Variants in ZSCAN18 observed in about 807,000 individuals in gnomAD.
ZSCAN18 encodes the protein zinc finger and SCAN domain-containing protein 18.
A neutral mutation model predicts 31.1 loss-of-function variants in ZSCAN18; 16 were observed. The ratio of observed to expected loss-of-function variants is 0.51; its 90% CI spans 0.35 to 0.78. The LOEUF (loss-of-function observed/expected upper bound fraction) is 0.78. Ranked by LOEUF, ZSCAN18 falls within the 30% of genes least tolerant of loss-of-function variation. The pLI, the probability that ZSCAN18 is intolerant of heterozygous loss-of-function variation, is 0.01. For missense variants in ZSCAN18, 731 were observed against 697.4 expected (o/e 1.05, Z -0.54); for synonymous variants, 375 against 320.7 (o/e 1.17, Z -1.81).
chr19:58,103,163 T>C (rs2074608772), upstream of ZSCAN18, among the ~76,000 whole-genome samples: 1 of 149,074 alleles, frequency 6.7e-6, no homozygotes. Flanking sequence ...AATTAAACCA[T>C]ATCACTGATT....
chr19:58,107,592 G>T, intron 1 of ZSCAN18: 1 of 871,698 alleles, frequency 1.1e-6, no homozygotes, highest in Non-Finnish European at 1.4e-6. Context: ...AGTGCACCAT[G>T]CGGTAAACAC....
intron 1 of ZSCAN18, chr19:58,109,180 A>T: frequency 8.1e-7 from 1 of 1,231,306 alleles, no homozygotes. Context: ...ACATTCCCAG[A>T]CCTCTCCTAA....
intron 3 of ZSCAN18, 132 bp from the exon 4 acceptor site, chr19:58,087,536 C>T (rs927561637): frequency 3.5e-5 from 26 of 741,940 alleles, no homozygotes; most frequent in South Asian, 2.8e-4. Flanking sequence ...CAAGGCTCAA[C>T]GGACACTACA....
chr19:58,107,267 C>T (rs762688363), intron 1 of ZSCAN18, among the ~76,000 whole-genome samples: 2 of 151,924 alleles, frequency 1.3e-5, no homozygotes, highest in African/African-American at 2.4e-5. Flanking sequence ...TTAAAATATT[C>T]AGCACAGGCC....
At chr19:58,118,278 C>T (rs1278675362) in exon 1 of ZSCAN18, 4 of 1,488,392 alleles carry the variant, frequency 2.7e-6, no homozygotes, top group African/African-American at 1.4e-5. Context: ...CTCACTAGGC[C>T]TTGGCTCCGC....
In ZSCAN18 at chr19:58,090,501, G is replaced by A; in HGVS notation, c.-119-115C>T. ...GTTCACACAGATTTCCAAGAAACCC[G>A]CTTGTTAGGCATCAGTAGAACCTCA... On this transcript the variant is annotated intron_variant, in intron 1 of 6. Transcript: ENST00000601144. The surrounding 1 kb of genome is among the most constrained non-coding windows in gnomAD (Gnocchi z 4.7). 4.3e-6 allele frequency: 4 copies of A among 933,232 alleles called. No individual in the cohort carries two copies. Among genetic ancestry groups the A allele is most frequent in the Admixed American group, 3.0e-5 (1 of 33,750 alleles). The allele number at this position is 933,232 out of a possible 1,614,324, so 57.8% of individuals were successfully genotyped here.
intron 1 of ZSCAN18, among the ~76,000 whole-genome samples, chr19:58,118,030 G>A (rs2074746179): frequency 6.6e-6 from 1 of 152,130 alleles, no homozygotes; most frequent in South Asian, 2.1e-4. Flanking sequence ...AGGCGTTAGG[G>A]GGTCCGCGCC....
At chr19:58,092,372 CGA>C (rs2074430679) in intron 1 of ZSCAN18, 1 of 152,084 alleles carries the variant, frequency 6.6e-6, no homozygotes, top group African/African-American at 2.4e-5. Context: ...GTCAGGAGTT[CGA>C]GACCAGCCTG....
intron 3 of ZSCAN18, 69 bp from the exon 4 acceptor site, chr19:58,087,473 A>C: frequency 6.4e-6 from 9 of 1,416,264 alleles, no homozygotes; most frequent in Non-Finnish European, 7.7e-6. Context: ...AGGGTCAAGG[A>C]GCCCCCGCTG....
intron 1 of ZSCAN18, chr19:58,109,377 C>T (rs1487723252): frequency 4.9e-6 from 6 of 1,229,222 alleles, no homozygotes; most frequent in Non-Finnish European, 4.1e-6. Context: ...AATGTGTAAA[C>T]ATTAAAATCA....
At position 58,087,316 on chromosome 19, in the gene ZSCAN18, C is replaced by T; in HGVS notation, c.642G>A (p.Gln214=). Residue 214 remains glutamine (Q), a splice_region_variant and synonymous_variant, in exon 4 of 7, where the codon CAG becomes CAA. Coordinates refer to ENST00000601144, the MANE Select transcript of ZSCAN18 (RefSeq NM_001145543.2). ...TEEDGPANTE[Q]KLKSFPEDPQ... ...CACCCACCTGCTCGTGCCCACCCAC[C>T]TGCTCGGTGTTGGCAGGGCCGTCCT... 1 of 1,603,842 alleles carries T rather than the reference C, an allele frequency of 6.2e-7. No individual in the cohort carries two copies. Among genetic ancestry groups the T allele is most frequent in the Non-Finnish European group, 8.5e-7 (1 of 1,175,056 alleles).
intron 1 of ZSCAN18, among the ~76,000 whole-genome samples, chr19:58,115,559 T>C (rs2074722925): frequency 6.6e-6 from 1 of 152,254 alleles, no homozygotes; most frequent in African/African-American, 2.4e-5. Context: ...TTGTTTTTCC[T>C]AGTTAACATT....
intron 1 of ZSCAN18, chr19:58,108,240 C>G: frequency 2.0e-6 from 2 of 985,546 alleles, no homozygotes; most frequent in Non-Finnish European, 2.4e-6. Context: ...GAAGGCCTTT[C>G]TACACCCAGT....
chr19:58,097,592 T>C (rs912336871), intron 1 of ZSCAN18, among the ~76,000 whole-genome samples: 3 of 151,282 alleles, frequency 2.0e-5, no homozygotes, highest in African/African-American at 7.3e-5. Context: ...GCACCCTCCA[T>C]CCCTTCCCTG....
At chr19:58,100,192 C>T (rs1157333232), upstream of ZSCAN18, among the ~76,000 whole-genome samples, 1 of 152,006 alleles carries the variant, frequency 6.6e-6, no homozygotes, top group African/African-American at 2.4e-5. Context: ...CGGGCTCAAG[C>T]AATCCTCCCA....
chr19:58,099,942 A>G (rs2074578322), upstream of ZSCAN18, among the ~76,000 whole-genome samples: 1 of 148,936 alleles, frequency 6.7e-6, no homozygotes, highest in African/African-American at 2.5e-5. Context: ...TTTTAAAAAA[A>G]TTGCTCAGTT....
chr19:58,116,125 C>T (rs1250332658), intron 1 of ZSCAN18, among the ~76,000 whole-genome samples: 2 of 150,548 alleles, frequency 1.3e-5, no homozygotes, highest in African/African-American at 4.9e-5. Flanking sequence ...TTCAAACACA[C>T]GCACGCATGC....
Position 58,090,204 on chromosome 19 carries a change from T to A in ZSCAN18, c.64A>T (p.Thr22Ser). Residue 22 changes from threonine to serine, a missense_variant, in exon 2 of 7, where the codon ACG becomes TCG. Thr to Ser is a moderately conservative substitution (Grantham distance 58, BLOSUM62 1). This residue lies in a region of ZSCAN18 where 86 missense variants were observed against 119.1 expected (regional missense o/e 0.72). Transcript: ENST00000601144. This position sits in a 1 kb window ranked among gnomAD's most constrained non-coding sequence, Gnocchi z 4.7. Reference protein sequence around the residue: ...RSSPAPPDLPTPGSAAGVQQE... With the variant: ...RSSPAPPDLPSPGSAAGVQQE... ...TGGACTCCGGCTGCTGACCCCGGCG[T>A]GGGCAGATCCGGCGGGGCTGGGGAG... 6.2e-7 allele frequency: 1 copy of A among 1,613,574 alleles called. No homozygotes were observed. Among genetic ancestry groups the A allele is most frequent in the South Asian group, 1.1e-5 (1 of 91,070 alleles).
chr19:58,092,771 C>CTTTT (rs925285750), intron 1 of ZSCAN18: 55 of 761,746 alleles, frequency 7.2e-5, no homozygotes, highest in South Asian at 1.8e-4. Context: ...GATACCTCTA[C>CTTTT]TTTTTTTTTT....
Sources: allele counts gnomAD v4.1 joint callset (sites outside exome capture counted in the v4.1 genomes callset), GRCh38; gene constraint gnomAD v4.1.1; regional missense constraint gnomAD v4.1.1; non-coding constraint Gnocchi (gnomAD v3.1); transcripts MANE v1.5; gene names NCBI Gene and HGNC (gene_info 2026-07-23, HGNC 2026-07-21).